The following SKIC8 variants were observed in gnomAD, a reference collection of about 807,000 sequenced individuals.
SKIC8 encodes the protein SKI8 subunit of superkiller complex.
chr15:78,290,159 A>T, the SKIC8 span: 15 of 1,526,720 alleles, frequency 9.8e-6, no homozygotes, highest in Admixed American at 3.2e-4. Flanking sequence ...TAATTTTAAA[A>T]ACTAAAGTTT....
At chr15:78,292,981 C>G in the SKIC8 span, 1 of 840,714 alleles carries the variant, frequency 1.2e-6, no homozygotes. Context: ...TTTTTTTTAA[C>G]TTTAGGGCTT....
chr15:78,293,169 T>C, the SKIC8 span: 1 of 1,613,918 alleles, frequency 6.2e-7, no homozygotes, highest in South Asian at 1.1e-5. Flanking sequence ...GCACTCACCA[T>C]TTCCAGACCT....
the SKIC8 span, among the ~76,000 whole-genome samples, chr15:78,293,855 C>T: frequency 6.6e-6 from 1 of 152,056 alleles, no homozygotes; most frequent in African/African-American, 2.4e-5. Context: ...ATGAGAGGTG[C>T]TAGGATTCAA....
chr15:78,297,354 A>C, the SKIC8 span, among the ~76,000 whole-genome samples: 1 of 152,270 alleles, frequency 6.6e-6, no homozygotes, highest in African/African-American at 2.4e-5. Context: ...CATGTCTTCC[A>C]AAGACCACAA....
the SKIC8 span, chr15:78,290,377 C>T: frequency 3.0e-6 from 1 of 328,230 alleles, no homozygotes; most frequent in Non-Finnish European, 5.5e-6. Context: ...GGCACAGCCA[C>T]TTTGAAAACC....
the SKIC8 span, chr15:78,290,905 C>T: frequency 2.6e-5 from 4 of 151,856 alleles, 1 homozygote; most frequent in African/African-American, 4.8e-5. Context: ...CTTGCCTCAG[C>T]TTCCTGAGTA....
the SKIC8 span, chr15:78,283,539 G>A: frequency 6.4e-7 from 1 of 1,574,248 alleles, no homozygotes; most frequent in South Asian, 1.1e-5. Context: ...TTTAAAAAAA[G>A]ATAGTTCTAC....
the SKIC8 span, chr15:78,283,302 T>C: frequency 7.7e-6 from 5 of 649,368 alleles, no homozygotes; most frequent in African/African-American, 1.8e-5. Flanking sequence ...AAGATTCATA[T>C]TGTATCTACA....
At chr15:78,285,981 T>C in the SKIC8 span, 7 of 1,404,130 alleles carry the variant, frequency 5.0e-6, no homozygotes, top group Middle Eastern at 1.8e-4. Flanking sequence ...AGGCAATCTA[T>C]ACAAGAAGAC....
the SKIC8 span, chr15:78,288,501 A>G: frequency 1.0e-6 from 1 of 958,458 alleles, no homozygotes; most frequent in Non-Finnish European, 1.6e-6. Context: ...CAGGTGCTTC[A>G]GGCAGAAAAG....
chr15:78,295,500 G>C, the SKIC8 span: 2 of 670,736 alleles, frequency 3.0e-6, no homozygotes, highest in Non-Finnish European at 5.3e-6. Flanking sequence ...CTCAGTATTT[G>C]CATTTCACTA....
At chr15:78,295,063 G>A in the SKIC8 span, 1 of 1,485,088 alleles carries the variant, frequency 6.7e-7, no homozygotes, top group Non-Finnish European at 9.4e-7. Flanking sequence ...CGAGTAGACA[G>A]AGTCACCACA....
At chr15:78,294,653 C>A in the SKIC8 span, 3 of 383,472 alleles carry the variant, frequency 7.8e-6, no homozygotes, top group South Asian at 8.1e-5. Flanking sequence ...CCTTCTTCCA[C>A]CTCAGCAGCT....
chr15:78,283,298 C>G, the SKIC8 span: 1 of 630,028 alleles, frequency 1.6e-6, no homozygotes, highest in East Asian at 2.8e-5. Context: ...TGAAAAGATT[C>G]ATATTGTATC....
At chr15:78,290,113 A>C in the SKIC8 span, 2 of 1,604,420 alleles carry the variant, frequency 1.2e-6, no homozygotes, top group East Asian at 2.2e-5. Flanking sequence ...AACAGAAAAA[A>C]GAAGGACAAA....
chr15:78,290,063 T>G, the SKIC8 span: 2 of 1,614,056 alleles, frequency 1.2e-6, no homozygotes, highest in South Asian at 2.2e-5. Flanking sequence ...GGCCAGATAC[T>G]GGGAATCAGG....
At chr15:78,295,875 G>A in the SKIC8 span, 11 of 551,668 alleles carry the variant, frequency 2.0e-5, no homozygotes, top group Admixed American at 7.3e-5. Context: ...AACCTCCTTC[G>A]CACTCCCTAC....
the SKIC8 span, chr15:78,289,571 T>A: frequency 2.2e-6 from 3 of 1,378,560 alleles, no homozygotes; most frequent in Non-Finnish European, 3.1e-6. Flanking sequence ...TAATTCTTCC[T>A]TTGTGATTTG....
the SKIC8 span, chr15:78,288,994 T>C: frequency 2.4e-6 from 1 of 424,410 alleles, no homozygotes; most frequent in Non-Finnish European, 4.6e-6. Flanking sequence ...GAGACATTCA[T>C]ATAGCAAATA....
Sources: gnomAD v4.1 joint callset for allele counts (sites outside exome capture counted in the v4.1 genomes callset) on GRCh38, gnomAD v4.1.1 for gene constraint, MANE v1.5 for transcripts, NCBI Gene and HGNC (gene_info 2026-07-23, HGNC 2026-07-21) for gene names.